CDH13: variants seen among roughly 807,000 people sequenced by gnomAD.
CDH13 encodes cadherin-13.
In CDH13, 24 loss-of-function variants were observed where a neutral mutation model predicts 63.8. That is an observed-to-expected ratio of 0.38 (90% CI 0.27 to 0.53). The LOEUF (loss-of-function observed/expected upper bound fraction) is 0.53. Ranked by LOEUF, CDH13 falls within the 20% of genes least tolerant of loss-of-function variation. CDH13 has a pLI of 0.85. For synonymous variants in CDH13, 503 were observed against 355.3 expected (o/e 1.42, Z -4.67); for missense variants, 1,049 against 903.1 (o/e 1.16, Z -2.07).
intron 2 of CDH13, among the ~76,000 whole-genome samples, chr16:82,946,660 G>T (rs981257270): frequency 6.6e-6 from 1 of 151,788 alleles, no homozygotes; most frequent in African/African-American, 2.4e-5. Flanking sequence ...GGTGGAGGTT[G>T]CAGTGAGCCA....
Position 83,247,319 on chromosome 16 carries a change from G to A in CDH13, c.636+29822G>A, listed in dbSNP as rs180773904. 1.4e-3 allele frequency among the ~76,000 whole-genome samples: 220 copies of A among 152,298 alleles called. 1 individual carries two copies. The highest frequency in any genetic ancestry group is 3.4e-3 in the Middle Eastern group (1 of 294). ...TTACATGGAGGCTTGGGGAGAATAA[G>A]CTTCCAGGTGAGGAACTCAGTGGCT... On this transcript the variant is annotated intron_variant, in intron 5 of 13. Coordinates refer to ENST00000567109, the MANE Select transcript of CDH13 (RefSeq NM_001257.5).
chr16:83,414,866 A>G (rs2092177709), intron 6 of CDH13, among the ~76,000 whole-genome samples: 1 of 152,196 alleles, frequency 6.6e-6, no homozygotes, highest in African/African-American at 2.4e-5. Context: ...ATAGTGCTGC[A>G]GTGAACGTGG....
At chr16:82,687,222 G>C (rs1915167561) in intron 1 of CDH13, among the ~76,000 whole-genome samples, 1 of 152,164 alleles carries the variant, frequency 6.6e-6, no homozygotes, top group African/African-American at 2.4e-5. Context: ...AGTGATGGAA[G>C]GTGTGTAAAG....
intron 4 of CDH13, among the ~76,000 whole-genome samples, chr16:83,165,795 A>T (rs1456862653): frequency 6.6e-6 from 1 of 152,140 alleles, no homozygotes; most frequent in African/African-American, 2.4e-5. Flanking sequence ...AGGCAGAACT[A>T]GCAAATGGAG....
intron 1 of CDH13, among the ~76,000 whole-genome samples, chr16:82,651,353 C>G (rs934413441): frequency 6.6e-6 from 1 of 152,162 alleles, no homozygotes; most frequent in African/African-American, 2.4e-5. Context: ...CACACATATA[C>G]CATCTTCATT....
At chr16:83,141,457 A>C (rs575106593) in intron 4 of CDH13, among the ~76,000 whole-genome samples, 1 of 152,084 alleles carries the variant, frequency 6.6e-6, no homozygotes, top group Non-Finnish European at 1.5e-5. Flanking sequence ...CTTATTCTTT[A>C]TATTTTCATT....
intron 6 of CDH13, among the ~76,000 whole-genome samples, chr16:83,353,230 A>G (rs2090991771): frequency 6.6e-6 from 1 of 152,260 alleles, no homozygotes; most frequent in South Asian, 2.1e-4. Context: ...ACAAATAAAA[A>G]AGAAACTGAA....
chr16:83,155,758 G>A (rs59123224), intron 4 of CDH13, among the ~76,000 whole-genome samples: 4,979 of 152,276 alleles, frequency 0.033, 186 homozygotes, highest in South Asian at 0.085. Flanking sequence ...CAGGAAGACT[G>A]AACTGCAAAC....
At chr16:83,266,969 A>G (rs546523963) in intron 5 of CDH13, among the ~76,000 whole-genome samples, 2 of 152,280 alleles carry the variant, frequency 1.3e-5, no homozygotes, top group East Asian at 3.9e-4. Flanking sequence ...TCTGATTGCA[A>G]ATGACAGGAG....
In CDH13 at chr16:82,725,736, C is replaced by G. The variant is rs111835464; in HGVS notation, c.45+98599C>G. ...ATGCTGACTTGTAAACTGATTTGAA[C>G]ACCATCCTCATTCCTTTTGGCTCTC... On this transcript the variant is annotated intron_variant, in intron 1 of 13. Transcript: ENST00000567109. Among the ~76,000 whole-genome samples, 867 of 152,256 alleles carry G rather than the reference C, an allele frequency of 5.7e-3. 5 individuals are homozygous for G. Among genetic ancestry groups the G allele is most frequent in the Middle Eastern group, 0.02 (6 of 294 alleles).
intron 3 of CDH13, among the ~76,000 whole-genome samples, chr16:83,077,390 G>T (rs1009125096): frequency 6.6e-6 from 1 of 151,268 alleles, no homozygotes; most frequent in Non-Finnish European, 1.5e-5. Flanking sequence ...CTATGGTTTT[G>T]CCATGTTGGC....
At position 82,858,436 on chromosome 16, in the gene CDH13, G is replaced by T; in HGVS notation, c.120G>T (p.Gln40His). Residue 40 changes from glutamine (Q) to histidine (H), a missense_variant, in exon 2 of 14, where the codon CAG becomes CAT. Coordinates refer to ENST00000567109, the MANE Select transcript of CDH13 (RefSeq NM_001257.5). ...GFQQKVFHIN[Q>H]PAEFIEDQSI... ...AGCAGAAAGTGTTCCATATCAATCAGCCAGCTGAATTCATTGAGGACCAGT... is the reference window on the plus strand; with the variant it reads ...AGCAGAAAGTGTTCCATATCAATCATCCAGCTGAATTCATTGAGGACCAGT... The T allele has an allele frequency of 6.2e-7, 1 of 1,613,406 alleles. No individual in the cohort carries two copies. Among genetic ancestry groups the T allele is most frequent in the Non-Finnish European group, 8.5e-7 (1 of 1,179,362 alleles).
chr16:83,268,180 A>G (rs1359655859), intron 5 of CDH13, among the ~76,000 whole-genome samples: 3 of 152,202 alleles, frequency 2.0e-5, no homozygotes, highest in Non-Finnish European at 4.4e-5. Flanking sequence ...ATAAGTGCAG[A>G]CATTAACTGT....
At chr16:83,329,566 C>T (rs1011927282) in intron 5 of CDH13, among the ~76,000 whole-genome samples, 2 of 152,104 alleles carry the variant, frequency 1.3e-5, no homozygotes, top group Non-Finnish European at 2.9e-5. Context: ...TAAAATCGAT[C>T]AGCTTCATCA....
chr16:83,563,252 T>C (rs757071964), intron 7 of CDH13, among the ~76,000 whole-genome samples: 2 of 152,244 alleles, frequency 1.3e-5, no homozygotes, highest in Non-Finnish European at 2.9e-5. Context: ...TACTAAATTA[T>C]GACTTTGTGC....
intron 5 of CDH13, among the ~76,000 whole-genome samples, chr16:83,306,256 G>T (rs979802161): frequency 6.6e-6 from 1 of 152,220 alleles, no homozygotes; most frequent in East Asian, 1.9e-4. Flanking sequence ...TTTGGAGGTG[G>T]TTTGTTCTGG....
intron 2 of CDH13, among the ~76,000 whole-genome samples, chr16:82,981,381 A>C (rs1193852988): frequency 1.3e-5 from 2 of 152,026 alleles, no homozygotes; most frequent in African/African-American, 4.8e-5. Flanking sequence ...TCCAGTCTTG[A>C]AGCCCTCTCC....
chr16:82,881,465 C>T (rs1263879268), intron 2 of CDH13, among the ~76,000 whole-genome samples: 1 of 152,082 alleles, frequency 6.6e-6, no homozygotes, highest in African/African-American at 2.4e-5. Flanking sequence ...GGCAAGGGAG[C>T]CAAGCCTGTA....
chr16:83,285,459 A>T (rs2089285444), intron 5 of CDH13, among the ~76,000 whole-genome samples: 1 of 152,130 alleles, frequency 6.6e-6, no homozygotes, highest in African/African-American at 2.4e-5. Context: ...CACTGAGTAC[A>T]GGTGGTCACA....
Sources: gnomAD v4.1 joint callset for allele counts (sites outside exome capture counted in the v4.1 genomes callset) on GRCh38, gnomAD v4.1.1 for gene constraint, MANE v1.5 for transcripts, NCBI Gene and HGNC (gene_info 2026-07-23, HGNC 2026-07-21) for gene names.